The following HS6ST3 variants were observed in gnomAD, a reference collection of about 807,000 sequenced individuals.
HS6ST3 encodes the protein heparan-sulfate 6-O-sulfotransferase 3.
Under a neutral mutation model 36.7 loss-of-function variants are expected in HS6ST3, and 12 were observed. The ratio of observed to expected loss-of-function variants is 0.33; its 90% CI spans 0.21 to 0.53. The LOEUF is 0.53. HS6ST3 is among the 20% of genes least tolerant of loss of function. HS6ST3 has a pLI of 0.95. For missense variants in HS6ST3, 584 were observed against 640.9 expected, an observed-to-expected ratio of 0.91 and a Z score of 0.96; for synonymous variants, 240 against 257.5, an observed-to-expected ratio of 0.93 and a Z score of 0.65.
At chr13:96,573,473 GA>G (rs1164960607) in intron 1 of HS6ST3, among the ~76,000 whole-genome samples, 1 of 152,118 alleles carries the variant, frequency 6.6e-6, no homozygotes, top group African/African-American at 2.4e-5. Context: ...TGGGCCAAGA[GA>G]AAAGATACAG....
intron 1 of HS6ST3, among the ~76,000 whole-genome samples, chr13:96,758,741 A>T (rs1475390836): frequency 6.6e-6 from 1 of 151,638 alleles, no homozygotes; most frequent in Admixed American, 6.6e-5. Context: ...TAAAATTTCC[A>T]TTTTTCTTAA....
At chr13:96,139,063 G>A (rs754909320) in intron 1 of HS6ST3, among the ~76,000 whole-genome samples, 3 of 152,012 alleles carry the variant, frequency 2.0e-5, no homozygotes, top group South Asian at 2.1e-4. Context: ...TACAGCAAAC[G>A]TTTTATAATG....
At chr13:96,126,845 A>G (rs182482567) in intron 1 of HS6ST3, among the ~76,000 whole-genome samples, 4 of 152,024 alleles carry the variant, frequency 2.6e-5, no homozygotes, top group Non-Finnish European at 4.4e-5. Flanking sequence ...CTGGGCCTCT[A>G]TGCCTTCAGT....
At chr13:96,215,401 C>T (rs940442971) in intron 1 of HS6ST3, among the ~76,000 whole-genome samples, 23 of 152,264 alleles carry the variant, frequency 1.5e-4, no homozygotes, top group African/African-American at 4.8e-4. Flanking sequence ...TATGAAATGC[C>T]GATGGCAGTG....
At chr13:96,542,285 C>G (rs2056181478) in intron 1 of HS6ST3, among the ~76,000 whole-genome samples, 1 of 152,174 alleles carries the variant, frequency 6.6e-6, no homozygotes, top group Non-Finnish European at 1.5e-5. Context: ...AGCTAGCCAG[C>G]AGCTTTCTCC....
At chr13:96,702,210 G>T (rs567121671) in intron 1 of HS6ST3, among the ~76,000 whole-genome samples, 3 of 152,278 alleles carry the variant, frequency 2.0e-5, no homozygotes, top group Admixed American at 2.0e-4. Flanking sequence ...ACAGATGTAG[G>T]AGAGGATTAA....
At chr13:96,633,273 G>C (rs2056538089) in intron 1 of HS6ST3, among the ~76,000 whole-genome samples, 1 of 152,174 alleles carries the variant, frequency 6.6e-6, no homozygotes, top group South Asian at 2.1e-4. Flanking sequence ...AGCAACTGCA[G>C]AAACAAAATA....
intron 1 of HS6ST3, among the ~76,000 whole-genome samples, chr13:96,577,781 C>T (rs1242328246): frequency 6.6e-6 from 1 of 152,114 alleles, no homozygotes; most frequent in Non-Finnish European, 1.5e-5. Context: ...CAAATCAAAA[C>T]CACAATGAGA....
chr13:96,611,166 G>C (rs2056456107), intron 1 of HS6ST3, among the ~76,000 whole-genome samples: 1 of 145,658 alleles, frequency 6.9e-6, no homozygotes, highest in Non-Finnish European at 1.5e-5. Flanking sequence ...TTAAGTTTTA[G>C]GGTACATGTG....
intron 1 of HS6ST3, among the ~76,000 whole-genome samples, chr13:96,732,403 T>G (rs1388406922): frequency 3.9e-5 from 6 of 152,176 alleles, no homozygotes; most frequent in African/African-American, 1.4e-4. Flanking sequence ...AATATCTAGT[T>G]TCCTTAACAC....
At chr13:96,138,591 G>A (rs2054014507) in intron 1 of HS6ST3, among the ~76,000 whole-genome samples, 1 of 151,800 alleles carries the variant, frequency 6.6e-6, no homozygotes, top group Non-Finnish European at 1.5e-5. Context: ...AAGTTTCCTT[G>A]CGTCACTTTA....
chr13:96,788,868 G>T (rs903334988), intron 1 of HS6ST3, among the ~76,000 whole-genome samples: 1 of 151,724 alleles, frequency 6.6e-6, no homozygotes, highest in Non-Finnish European at 1.5e-5. Flanking sequence ...ATTAGTGTTT[G>T]CATGAGTAAC....
intron 1 of HS6ST3, among the ~76,000 whole-genome samples, chr13:96,380,244 A>G (rs920259414): frequency 2.0e-5 from 3 of 146,770 alleles, no homozygotes; most frequent in Non-Finnish European, 4.5e-5. Flanking sequence ...CTTATAACAG[A>G]TACTAGTTTT....
intron 1 of HS6ST3, among the ~76,000 whole-genome samples, chr13:96,676,650 C>G (rs1408563038): frequency 6.6e-6 from 1 of 152,066 alleles, no homozygotes; most frequent in Non-Finnish European, 1.5e-5. Context: ...AGTCCTTATT[C>G]CTGGGTTGTA....
At chr13:96,736,287 G>A (rs1362579541) in intron 1 of HS6ST3, among the ~76,000 whole-genome samples, 1 of 152,048 alleles carries the variant, frequency 6.6e-6, no homozygotes, top group Non-Finnish European at 1.5e-5. Flanking sequence ...CACAGGATGG[G>A]CAAAGACACC....
chr13:96,248,176 G>A (rs891392714), intron 1 of HS6ST3, among the ~76,000 whole-genome samples: 2 of 151,970 alleles, frequency 1.3e-5, no homozygotes, highest in African/African-American at 4.8e-5. Context: ...TCAAACTCTC[G>A]CCATAATTAA....
chr13:96,256,111 A>G (rs2054635598), intron 1 of HS6ST3, among the ~76,000 whole-genome samples: 1 of 152,206 alleles, frequency 6.6e-6, no homozygotes, highest in Non-Finnish European at 1.5e-5. Flanking sequence ...TCAGCGAAAT[A>G]TTCAAATACT....
intron 1 of HS6ST3, among the ~76,000 whole-genome samples, chr13:96,125,032 T>A (rs1015142430): frequency 1.3e-5 from 2 of 152,150 alleles, no homozygotes; most frequent in African/African-American, 4.8e-5. Context: ...TGAAATTTAG[T>A]GTGCAGCCAG....
At position 96,837,824 on chromosome 13, in the gene HS6ST3, TA is replaced by T. The variant is rs1400259370; in HGVS notation, c.*4629del. The T allele has an allele frequency of 1.4e-5, 2 of 147,922 alleles. No individual in the cohort carries two copies. The highest frequency in any genetic ancestry group is 5.1e-5 in the African/African-American group (2 of 39,416). 9.2% of individuals were successfully genotyped at this position (147,922 alleles called of 1,614,324 possible). A position where few individuals can be genotyped will look rare whatever the true frequency, so the allele number is the denominator to read the frequency against. On this transcript the variant is annotated 3_prime_UTR_variant, in exon 2 of 2. Coordinates refer to ENST00000376705, the MANE Select transcript of HS6ST3 (RefSeq NM_153456.4). Reference sequence around the variant, plus strand: ...AACTCCCTATTAAGGGAAATCAATATAAACCCGCCCCCACCAACCAAAAAAA... The same window carrying T: ...AACTCCCTATTAAGGGAAATCAATATAACCCGCCCCCACCAACCAAAAAAA...
Sources: allele counts gnomAD v4.1 joint callset (sites outside exome capture counted in the v4.1 genomes callset), GRCh38; gene constraint gnomAD v4.1.1; transcripts MANE v1.5; gene names NCBI Gene and HGNC (gene_info 2026-07-23, HGNC 2026-07-21).